The following LCORL variants were observed in gnomAD, a reference collection of about 807,000 sequenced individuals.
LCORL encodes the protein ligand dependent nuclear receptor corepressor like.
LCORL carries 41 observed loss-of-function variants against 141.8 expected under a neutral mutation model. That is an observed-to-expected ratio of 0.29 (90% CI 0.23 to 0.38). The LOEUF is 0.38. Ranked by LOEUF, LCORL falls within the 10% of genes least tolerant of loss-of-function variation. LCORL has a pLI of 1.00. For missense variants in LCORL, 1,759 were observed against 2,035.0 expected (o/e 0.86, Z 2.61); for synonymous variants, 618 against 694.1 (o/e 0.89, Z 1.72).
intron 4 of LCORL, among the ~76,000 whole-genome samples, chr4:17,917,255 A>T (rs1733595457): frequency 6.6e-6 from 1 of 151,676 alleles, no homozygotes; most frequent in Admixed American, 6.6e-5. Context: ...GCTGGAGTGC[A>T]ATGGCACGAT....
chr4:17,974,532 A>G (rs1399951544), intron 1 of LCORL, among the ~76,000 whole-genome samples: 1 of 152,132 alleles, frequency 6.6e-6, no homozygotes, highest in Non-Finnish European at 1.5e-5. Flanking sequence ...CATCAACTCA[A>G]ATGGTACCCT....
intron 1 of LCORL, among the ~76,000 whole-genome samples, chr4:18,006,663 A>T (rs748283219): frequency 6.6e-6 from 1 of 152,126 alleles, no homozygotes; most frequent in Non-Finnish European, 1.5e-5. Flanking sequence ...TTGTGCAGGG[A>T]AAGTCCCCTT....
At chr4:18,017,439 C>T (rs1170906600) in intron 1 of LCORL, among the ~76,000 whole-genome samples, 2 of 152,038 alleles carry the variant, frequency 1.3e-5, no homozygotes, top group Admixed American at 6.5e-5. Flanking sequence ...ACCAGCTTAA[C>T]AAAATTTTCA....
chr4:18,007,741 G>T (rs1723047668), intron 1 of LCORL, among the ~76,000 whole-genome samples: 1 of 152,068 alleles, frequency 6.6e-6, no homozygotes, highest in Non-Finnish European at 1.5e-5. Flanking sequence ...TTTTAGAATG[G>T]GTCTGAGGAA....
intron 1 of LCORL, among the ~76,000 whole-genome samples, chr4:17,989,424 C>T (rs951599551): frequency 1.4e-4 from 22 of 152,116 alleles, no homozygotes; most frequent in Admixed American, 2.6e-4. Flanking sequence ...AAGAGATGGA[C>T]AGTGTCAAGG....
intron 4 of LCORL, chr4:17,912,264 T>C: frequency 1.4e-6 from 1 of 701,968 alleles, no homozygotes. Flanking sequence ...GCAAGGTCAC[T>C]GATGAAACCA....
At chr4:17,935,082 C>G (rs1195377674) in intron 4 of LCORL, among the ~76,000 whole-genome samples, 1 of 152,150 alleles carries the variant, frequency 6.6e-6, no homozygotes, top group East Asian at 1.9e-4. Flanking sequence ...CTGGTTATTA[C>G]ATACTTTGCC....
At chr4:17,993,621 A>C (rs952337800) in intron 1 of LCORL, among the ~76,000 whole-genome samples, 5 of 152,266 alleles carry the variant, frequency 3.3e-5, no homozygotes, top group Non-Finnish European at 7.3e-5. Flanking sequence ...ACAGATCCTG[A>C]GGAGCCTAGT....
intron 7 of LCORL, 114 bp from the exon 8 acceptor site, chr4:17,846,015 A>G (rs1393871704): frequency 3.8e-6 from 3 of 794,316 alleles, no homozygotes; most frequent in East Asian, 2.5e-5. Flanking sequence ...TTTAGCATAC[A>G]TAAAGCATTT....
At chr4:17,844,183 A>G (rs1303505802) in exon 8 of LCORL, 3 of 152,154 alleles carry the variant, frequency 2.0e-5, no homozygotes, top group Admixed American at 1.3e-4. Context: ...TGTGACAGGA[A>G]CTTCTCTTTA....
At chr4:17,861,454 C>T (rs895644290) in intron 7 of LCORL, among the ~76,000 whole-genome samples, 3 of 152,178 alleles carry the variant, frequency 2.0e-5, no homozygotes, top group South Asian at 2.1e-4. Context: ...GCACACAGCA[C>T]GGGGACCCTG....
At chr4:17,853,972 C>T (rs1011352123) in intron 7 of LCORL, among the ~76,000 whole-genome samples, 1 of 151,970 alleles carries the variant, frequency 6.6e-6, no homozygotes, top group Non-Finnish European at 1.5e-5. Flanking sequence ...TCATAAATTA[C>T]CAGAATAAAA....
intron 4 of LCORL, among the ~76,000 whole-genome samples, chr4:17,924,829 A>G (rs556493609): frequency 2.6e-5 from 4 of 152,282 alleles, no homozygotes; most frequent in African/African-American, 9.6e-5. Flanking sequence ...TGAAGTCACA[A>G]TTACAACTCC....
intron 5 of LCORL, among the ~76,000 whole-genome samples, chr4:17,908,042 T>G (rs1731930917): frequency 6.6e-6 from 1 of 152,184 alleles, no homozygotes; most frequent in South Asian, 2.1e-4. Context: ...ATTCTTCTTT[T>G]TTTTTAAGAG....
At position 18,021,461 on chromosome 4, in the gene LCORL, C is replaced by T; in HGVS notation, c.154+137G>A. The stretch of plus-strand genomic sequence containing the variant: ...AAAGGCGAGCGCCGGGGCCGCCGCG[C>T]CGCGCCGCTCCCATCTCGCTCCCCC... On this transcript the variant is annotated intron_variant, in intron 1 of 7. Transcript: ENST00000635767. This position sits in a 1 kb window ranked among gnomAD's most constrained non-coding sequence, Gnocchi z 5.5. 1 of 699,320 alleles carries T rather than the reference C, an allele frequency of 1.4e-6. No individual in the cohort carries two copies. The highest frequency in any genetic ancestry group is 2.2e-6 in the Non-Finnish European group (1 of 463,392). The allele number at this position is 699,320 out of a possible 1,614,324, so 43.3% of individuals were successfully genotyped here.
chr4:17,906,827 C>A (rs1482919788), intron 5 of LCORL, among the ~76,000 whole-genome samples: 1 of 151,996 alleles, frequency 6.6e-6, no homozygotes, highest in African/African-American at 2.4e-5. Flanking sequence ...GCTGGGACTA[C>A]AGGCATGTGC....
At chr4:17,853,695 T>C (rs942501671) in intron 7 of LCORL, among the ~76,000 whole-genome samples, 2 of 152,152 alleles carry the variant, frequency 1.3e-5, no homozygotes, top group African/African-American at 4.8e-5. Flanking sequence ...TGGTGTCTTC[T>C]AAATATTACT....
chr4:17,962,056 C>T (rs1238544763), intron 3 of LCORL, 24 bp from the exon 4 acceptor site: 1 of 1,510,826 alleles, frequency 6.6e-7, no homozygotes, highest in Non-Finnish European at 8.9e-7. Flanking sequence ...AAAACAACAA[C>T]ATACAGAATT....
At chr4:17,966,933 A>G (rs947614170) in intron 2 of LCORL, among the ~76,000 whole-genome samples, 4 of 152,278 alleles carry the variant, frequency 2.6e-5, no homozygotes, top group Middle Eastern at 3.4e-3. Flanking sequence ...TATTTACCCA[A>G]ATGAGTTGAA....
Sources: allele counts gnomAD v4.1 joint callset (sites outside exome capture counted in the v4.1 genomes callset), GRCh38; gene constraint gnomAD v4.1.1; non-coding constraint Gnocchi (gnomAD v3.1); transcripts MANE v1.5; gene names NCBI Gene and HGNC (gene_info 2026-07-23, HGNC 2026-07-21).